CASD1: variants seen among roughly 807,000 people sequenced by gnomAD.
CASD1 encodes the protein N-acetylneuraminate (7)9-O-acetyltransferase.
CASD1 carries 41 observed loss-of-function variants against 100.0 expected under a neutral mutation model. The ratio of observed to expected loss-of-function variants is 0.41; its 90% CI spans 0.32 to 0.53. The LOEUF is 0.53. Among genes scored for constraint, CASD1 ranks in the 20% least tolerant of loss-of-function variants. The probability of loss-of-function intolerance (pLI) is 0.25; values close to 1 mark genes in which losing one functional copy is unlikely to be tolerated. For synonymous variants in CASD1, 321 were observed against 315.6 expected (o/e 1.02, Z -0.18); for missense variants, 774 against 948.7 (o/e 0.82, Z 2.42).
At chr7:94,618,588 C>G in the CASD1 span, 1 of 603,960 alleles carries the variant, frequency 1.7e-6, no homozygotes, top group Non-Finnish European at 2.9e-6. Flanking sequence ...AAACCACTAA[C>G]ACAACATCTT....
At chr7:94,623,457 T>C in the CASD1 span, 2 of 1,063,860 alleles carry the variant, frequency 1.9e-6, no homozygotes, top group East Asian at 4.9e-5. Flanking sequence ...ATGAAATTCA[T>C]TAAGGATTAA....
At chr7:94,589,334 G>A in the CASD1 span, 3 of 156,518 alleles carry the variant, frequency 1.9e-5, no homozygotes, top group African/African-American at 7.3e-5. Flanking sequence ...GTCTCATTTG[G>A]ATCTGCCCCA....
chr7:94,569,354 A>G, the CASD1 span, among the ~76,000 whole-genome samples: 1 of 152,248 alleles, frequency 6.6e-6, no homozygotes, highest in Non-Finnish European at 1.5e-5. Flanking sequence ...ACCATGCTAT[A>G]TAACACCATG....
intron 10 of CASD1, among the ~76,000 whole-genome samples, chr7:94,541,059 T>TA (rs1260326044): frequency 7.9e-5 from 12 of 152,208 alleles, no homozygotes; most frequent in African/African-American, 2.2e-4. Flanking sequence ...TTTACAATTT[T>TA]AAAAAATCTG....
the CASD1 span, among the ~76,000 whole-genome samples, chr7:94,612,255 GT>G: frequency 2.6e-5 from 4 of 151,778 alleles, no homozygotes; most frequent in Admixed American, 2.0e-4. Flanking sequence ...GCTTTGAAAT[GT>G]TTTTTTTCTT....
intron 3 of CASD1, among the ~76,000 whole-genome samples, chr7:94,519,749 C>T (rs1266562967): frequency 3.3e-5 from 5 of 152,172 alleles, no homozygotes; most frequent in Admixed American, 3.3e-4. Flanking sequence ...TCAAGCAATT[C>T]TTCCATCTTG....
At chr7:94,592,468 A>AG in the CASD1 span, among the ~76,000 whole-genome samples, 1 of 152,198 alleles carries the variant, frequency 6.6e-6, no homozygotes, top group African/African-American at 2.4e-5. Context: ...TATTAGACTA[A>AG]GTGAAAAGTT....
chr7:94,581,395 G>T, the CASD1 span, among the ~76,000 whole-genome samples: 1 of 152,016 alleles, frequency 6.6e-6, no homozygotes, highest in African/African-American at 2.4e-5. Flanking sequence ...TTAAGCTCAG[G>T]GTTACATGTG....
rs1796210682 is a variant in CASD1, at chr7:94,556,526, C to G, written c.*768C>G. ...TCCTCAAGCTATACCAGTGTAATACCAGTTACCCTGTGGATCCATTTAATA... is the reference window on the plus strand; with the variant it reads ...TCCTCAAGCTATACCAGTGTAATACGAGTTACCCTGTGGATCCATTTAATA... On this transcript the variant is annotated 3_prime_UTR_variant, in exon 18 of 18. Transcript: ENST00000297273. The G allele has an allele frequency of 6.6e-6, 1 of 151,984 alleles. No homozygotes were observed. The highest frequency in any genetic ancestry group is 2.4e-5 in the African/African-American group (1 of 41,422). The allele number at this position is 151,984 out of a possible 1,614,324, so 9.4% of individuals were successfully genotyped here.
the CASD1 span, among the ~76,000 whole-genome samples, chr7:94,571,699 G>A: frequency 6.6e-6 from 1 of 152,092 alleles, no homozygotes; most frequent in African/African-American, 2.4e-5. Context: ...TGCCTGGTTT[G>A]CTTACAGTAA....
chr7:94,537,500 G>T lies in CASD1; in HGVS notation c.872G>T (p.Cys291Phe). Reference protein sequence around the residue: ...TTAMILMNVYCNKILKPVDGS... With the variant: ...TTAMILMNVYFNKILKPVDGS... ...GCAATGATTCTTATGAATGTGTATTGCAATAAGATTTTGAAGCCTGTAGAT... is the reference window on the plus strand; with the variant it reads ...GCAATGATTCTTATGAATGTGTATTTCAATAAGATTTTGAAGCCTGTAGAT... The change falls in exon 9 of 18, where the codon TGC becomes TTC. Residue 291 changes from cysteine to phenylalanine, a missense_variant. By Grantham distance (205) the Cys-to-Phe change is radical (BLOSUM62 -2). This residue lies in a region of CASD1 where 453 missense variants were observed against 532.6 expected (regional missense o/e 0.85). Coordinates refer to ENST00000297273, the MANE Select transcript of CASD1 (RefSeq NM_022900.5). 1.2e-6 allele frequency: 2 copies of T among 1,610,802 alleles called. No homozygotes were observed. Among genetic ancestry groups the T allele is most frequent in the Non-Finnish European group, 1.7e-6 (2 of 1,178,906 alleles).
chr7:94,570,452 T>G, the CASD1 span, among the ~76,000 whole-genome samples: 1 of 152,216 alleles, frequency 6.6e-6, no homozygotes, highest in African/African-American at 2.4e-5. Context: ...ATTACATTTT[T>G]ATGCATCGTG....
the CASD1 span, among the ~76,000 whole-genome samples, chr7:94,579,320 A>G: frequency 6.6e-6 from 1 of 152,020 alleles, no homozygotes; most frequent in African/African-American, 2.4e-5. Flanking sequence ...AGGCACATGC[A>G]TGGACTCCCA....
the CASD1 span, among the ~76,000 whole-genome samples, chr7:94,608,641 T>C: frequency 6.6e-6 from 1 of 151,980 alleles, no homozygotes; most frequent in African/African-American, 2.4e-5. Context: ...AAGAACAAAT[T>C]TTGAGGACTG....
chr7:94,601,411 T>A, the CASD1 span, among the ~76,000 whole-genome samples: 1 of 125,262 alleles, frequency 8.0e-6, no homozygotes, highest in Admixed American at 9.4e-5. Flanking sequence ...ATATGGAACC[T>A]ATCCCAGTCT....
chr7:94,597,772 C>G, the CASD1 span: 1 of 152,180 alleles, frequency 6.6e-6, no homozygotes, highest in Non-Finnish European at 1.5e-5. Flanking sequence ...ACTTTGGAGG[C>G]TGAGGCAGGC....
chr7:94,595,903 C>T, the CASD1 span, among the ~76,000 whole-genome samples: 2 of 152,054 alleles, frequency 1.3e-5, no homozygotes, highest in East Asian at 3.9e-4. Flanking sequence ...GAAACGACAC[C>T]GAATGTAATT....
chr7:94,552,309 G>T lies in CASD1; in HGVS notation c.1957-41G>T, dbSNP rs773813507. 4.2e-6 allele frequency: 6 copies of T among 1,416,308 alleles called. No individual in the cohort carries two copies. In the South Asian group the frequency reaches 7.2e-5, roughly 17 times the overall value. The allele number at this position is 1,416,308 out of a possible 1,614,324, so 87.7% of individuals were successfully genotyped here. ...CACTGTGAGGCTTATGCCTCTTCCA[G>T]ACTTGCTTTTTTGAACTTTTCCATA... On this transcript the variant is annotated intron_variant, in intron 15 of 17. Coordinates refer to ENST00000297273, the MANE Select transcript of CASD1 (RefSeq NM_022900.5).
chr7:94,542,273 T>A (rs572619573), intron 10 of CASD1, among the ~76,000 whole-genome samples: 1 of 152,206 alleles, frequency 6.6e-6, no homozygotes, highest in South Asian at 2.1e-4. Context: ...ACTCTAGAGC[T>A]AGACTCTCTG....
Sources: gnomAD v4.1 joint callset for allele counts (sites outside exome capture counted in the v4.1 genomes callset) on GRCh38, gnomAD v4.1.1 for gene constraint, gnomAD v4.1.1 regional missense constraint, MANE v1.5 for transcripts, NCBI Gene and HGNC (gene_info 2026-07-23, HGNC 2026-07-21) for gene names.